FRMD3: variants seen among roughly 807,000 people sequenced by gnomAD.
The protein encoded by FRMD3 is FERM domain containing 3, also known as FERM domain-containing protein 3.
A neutral mutation model predicts 70.2 loss-of-function variants in FRMD3; 33 were observed. The observed-to-expected ratio is 0.47, with a 90% CI of 0.36 to 0.63. The LOEUF is 0.63. FRMD3 is among the 20% of genes least tolerant of loss of function. The probability of loss-of-function intolerance (pLI) is 0.00; values close to 1 mark genes in which losing one functional copy is unlikely to be tolerated. For missense variants in FRMD3, 632 were observed against 711.4 expected, an observed-to-expected ratio of 0.89 and a Z score of 1.27; for synonymous variants, 279 against 255.9, an observed-to-expected ratio of 1.09 and a Z score of -0.86.
intron 2 of FRMD3, among the ~76,000 whole-genome samples, chr9:83,382,301 G>C (rs997572859): frequency 6.6e-6 from 1 of 151,832 alleles, no homozygotes; most frequent in Non-Finnish European, 1.5e-5. Context: ...TAAGTTCAAG[G>C]GTACATGTGC....
intron 1 of FRMD3, among the ~76,000 whole-genome samples, chr9:83,432,330 A>T (rs778769747): frequency 2.6e-5 from 4 of 152,178 alleles, no homozygotes; most frequent in Non-Finnish European, 4.4e-5. Context: ...CCAGGTCACT[A>T]TGTTTCCTTT....
At chr9:83,479,633 AAGGAAGGAAGGAAGGAAG>A (rs1828490033) in intron 1 of FRMD3, among the ~76,000 whole-genome samples, 2 of 40,078 alleles carry the variant, frequency 5.0e-5, no homozygotes, top group African/African-American at 2.4e-4. Flanking sequence ...GAAAGGAAGG[AAGGAAGGAAGGAAGGAAG>A]GAAGGAAGGA....
At chr9:83,507,691 C>T (rs9776274) in intron 1 of FRMD3, among the ~76,000 whole-genome samples, 26,698 of 48,558 alleles carry the variant, frequency 0.55, 7,683 homozygotes, top group Admixed American at 0.57. Flanking sequence ...AATATACATA[C>T]ATATATATAT....
At chr9:83,395,380 C>T (rs1389923672) in intron 1 of FRMD3, among the ~76,000 whole-genome samples, 2 of 151,668 alleles carry the variant, frequency 1.3e-5, no homozygotes, top group African/African-American at 4.8e-5. Context: ...GTTCGTTATA[C>T]AGGTAAACTT....
chr9:83,297,403 T>TTAGG (rs1834718492), intron 12 of FRMD3: 1 of 191,490 alleles, frequency 5.2e-6, no homozygotes. Flanking sequence ...AGTTCTAGGC[T>TTAGG]TAGGTCTGCC....
intron 1 of FRMD3, among the ~76,000 whole-genome samples, chr9:83,400,176 T>C (rs997407020): frequency 6.6e-6 from 1 of 152,122 alleles, no homozygotes; most frequent in Non-Finnish European, 1.5e-5. Flanking sequence ...ACTCCTAGAA[T>C]TAATAAACTA....
chr9:83,459,474 A>G (rs1827909946), intron 1 of FRMD3, among the ~76,000 whole-genome samples: 1 of 152,228 alleles, frequency 6.6e-6, no homozygotes, highest in African/African-American at 2.4e-5. Context: ...AATATCTTAC[A>G]TGTACCTCGC....
chr9:83,362,843 C>T (rs1424987668), intron 3 of FRMD3, among the ~76,000 whole-genome samples: 1 of 139,336 alleles, frequency 7.2e-6, no homozygotes, highest in Non-Finnish European at 1.5e-5. Flanking sequence ...TCCCTCCTTC[C>T]TTCCCTCCCT....
intron 13 of FRMD3, among the ~76,000 whole-genome samples, chr9:83,286,996 C>T (rs1357741272): frequency 6.6e-6 from 1 of 152,160 alleles, no homozygotes; most frequent in Admixed American, 6.5e-5. Flanking sequence ...AAGAGCAGGA[C>T]CCGGACGGTA....
intron 1 of FRMD3, among the ~76,000 whole-genome samples, chr9:83,438,944 C>T (rs550559546): frequency 6.6e-6 from 1 of 152,280 alleles, no homozygotes; most frequent in East Asian, 1.9e-4. Flanking sequence ...GAAAGAAAAC[C>T]CTTCTGGAGG....
At chr9:83,569,123 A>T in the FRMD3 span, among the ~76,000 whole-genome samples, 4 of 152,162 alleles carry the variant, frequency 2.6e-5, no homozygotes, top group South Asian at 2.1e-4. Flanking sequence ...TAAGCTATTT[A>T]AAAAAGGAGA....
At chr9:83,551,262 T>C in the FRMD3 span, among the ~76,000 whole-genome samples, 652 of 152,344 alleles carry the variant, frequency 4.3e-3, 5 homozygotes, top group African/African-American at 0.015. Flanking sequence ...GTTCTGTTTA[T>C]GTGATGAATC....
chr9:83,353,986 G>A (rs894356432), intron 3 of FRMD3, among the ~76,000 whole-genome samples: 5 of 151,892 alleles, frequency 3.3e-5, no homozygotes, highest in African/African-American at 4.8e-5. Flanking sequence ...GTGAAATGGC[G>A]TGATCTCAGC....
At chr9:83,274,560 C>T (rs752926500) in intron 13 of FRMD3, among the ~76,000 whole-genome samples, 10 of 152,144 alleles carry the variant, frequency 6.6e-5, no homozygotes, top group East Asian at 1.9e-4. Flanking sequence ...GGAACCAGCA[C>T]GAGAAGGAAG....
intron 13 of FRMD3, among the ~76,000 whole-genome samples, chr9:83,261,810 C>T (rs1833009011): frequency 6.6e-6 from 1 of 152,168 alleles, no homozygotes; most frequent in South Asian, 2.1e-4. Context: ...ACTCTGAAGT[C>T]ACCTTTCTGG....
rs1825106765 is a variant in FRMD3 at position 83,375,270 on chromosome 9, C to A, written c.253-2315G>T. Among the ~76,000 whole-genome samples the A allele has an allele frequency of 2.0e-5, 3 of 152,252 alleles. No homozygotes were observed. The South Asian group carries it at 6.2e-4, about 31-fold the overall frequency. On this transcript the variant is annotated intron_variant, in intron 2 of 13. Transcript: ENST00000304195. ...GGCATGCCTGAAAGGTATTTGCCAT[C>A]TGTGTCCTAAATAAGTTATTTACTC...
chr9:83,312,729 C>G (rs980341370), intron 7 of FRMD3, among the ~76,000 whole-genome samples: 1 of 152,116 alleles, frequency 6.6e-6, no homozygotes. Flanking sequence ...GTAGCCTGGT[C>G]GCCGCACCCA....
intron 13 of FRMD3, among the ~76,000 whole-genome samples, chr9:83,259,037 T>A (rs575172963): frequency 1.3e-5 from 2 of 152,300 alleles, no homozygotes; most frequent in African/African-American, 2.4e-5. Context: ...GGGAGGAAGG[T>A]GTTTTAGAAC....
chr9:83,511,601 C>T lies in FRMD3; in HGVS notation c.147+26484G>A, dbSNP rs148709420. On this transcript the variant is annotated intron_variant, in intron 1 of 13. Coordinates refer to ENST00000304195, the MANE Select transcript of FRMD3 (RefSeq NM_174938.6). ...AGAAGGTGAAGTATCTGGCTGATGG[C>T]TTCAGAGTTGTTTTTTCTCCCCCAT... 7.9e-5 allele frequency among the ~76,000 whole-genome samples: 12 copies of T among 152,302 alleles called. No individual in the cohort carries two copies. The East Asian group carries it at 2.1e-3, about 27-fold the overall frequency.
Sources: gnomAD v4.1 joint callset for allele counts (sites outside exome capture counted in the v4.1 genomes callset) on GRCh38, gnomAD v4.1.1 for gene constraint, MANE v1.5 for transcripts, NCBI Gene and HGNC (gene_info 2026-07-23, HGNC 2026-07-21) for gene names.